The following IL1RAPL2 variants were observed in gnomAD, a reference collection of about 807,000 sequenced individuals.
IL1RAPL2 encodes the protein X-linked interleukin-1 receptor accessory protein-like 2.
IL1RAPL2 carries 3 observed loss-of-function variants against 44.1 expected under a neutral mutation model. That is an observed-to-expected ratio of 0.07 (90% CI 0.03 to 0.18). The LOEUF (loss-of-function observed/expected upper bound fraction) is 0.18. Ranked by LOEUF, IL1RAPL2 falls within the 10% of genes least tolerant of loss-of-function variation. The pLI is 1.00. For synonymous variants in IL1RAPL2, 181 were observed against 178.8 expected (o/e 1.01, Z -0.10); for missense variants, 391 against 496.4 (o/e 0.79, Z 2.02).
chrX:105,267,663 A>C, intron 5 of IL1RAPL2, 122 bp downstream of exon 5: 1 of 522,206 alleles, frequency 1.9e-6, no homozygotes, highest in Non-Finnish European at 3.1e-6. Flanking sequence ...CAAATCAAAT[A>C]GTTGAGAAAC....
intron 2 of IL1RAPL2, among the ~76,000 whole-genome samples, chrX:105,032,881 A>C (rs1465023663): frequency 2.7e-5 from 3 of 109,911 alleles, no homozygotes; most frequent in Admixed American, 1.9e-4. Flanking sequence ...GTAGGTCACT[A>C]AGGACTTGCT....
chrX:104,647,490 T>C, intron 1 of IL1RAPL2: 1 of 559,099 alleles, frequency 1.8e-6, no homozygotes, highest in South Asian at 2.3e-5. Context: ...GTGGGATGTG[T>C]CAAGGACACA....
At chrX:104,705,174 T>TA (rs1300075402) in intron 2 of IL1RAPL2, among the ~76,000 whole-genome samples, 28 of 111,729 alleles carry the variant, frequency 2.5e-4, no homozygotes, top group African/African-American at 7.5e-4. Context: ...CAACAACCAT[T>TA]TGATACAGGT....
intron 3 of IL1RAPL2, among the ~76,000 whole-genome samples, chrX:105,206,921 A>G (rs2033768955): frequency 9.0e-6 from 1 of 111,651 alleles, no homozygotes; most frequent in South Asian, 3.7e-4. Flanking sequence ...ACTCGTGATG[A>G]ATCAATTAGA....
At chrX:105,760,483 A>C (rs1371332954) in intron 10 of IL1RAPL2, among the ~76,000 whole-genome samples, 1 of 111,945 alleles carries the variant, frequency 8.9e-6, no homozygotes, top group Non-Finnish European at 1.9e-5. Flanking sequence ...AATCTTCTCT[A>C]AATGTGTCCC....
At chrX:105,270,648 G>T (rs950510953) in intron 5 of IL1RAPL2, among the ~76,000 whole-genome samples, 1 of 111,845 alleles carries the variant, frequency 8.9e-6, no homozygotes, top group Admixed American at 9.6e-5. Flanking sequence ...TGGCTACTTG[G>T]TATGGAAGTT....
At chrX:104,797,773 G>T (rs780517773) in intron 2 of IL1RAPL2, among the ~76,000 whole-genome samples, 1 of 112,077 alleles carries the variant, frequency 8.9e-6, no homozygotes, top group Non-Finnish European at 1.9e-5. Context: ...AAATTGCTGT[G>T]CTAAGACAAA....
intron 6 of IL1RAPL2, among the ~76,000 whole-genome samples, chrX:105,550,339 T>G (rs2036841361): frequency 8.9e-6 from 1 of 112,088 alleles, no homozygotes; most frequent in African/African-American, 3.2e-5. Context: ...AAATGCTGAC[T>G]TTCAAAGAGC....
chrX:105,529,545 G>A (rs1005234461), intron 6 of IL1RAPL2, among the ~76,000 whole-genome samples: 5 of 110,970 alleles, frequency 4.5e-5, no homozygotes, highest in Admixed American at 9.6e-5. Context: ...TTCATCAAAT[G>A]TGTCCATTTT....
chrX:105,067,420 C>T lies in IL1RAPL2; in HGVS notation c.83-128055C>T, dbSNP rs753222193. Among the ~76,000 whole-genome samples the T allele has an allele frequency of 4.5e-5, 5 of 111,530 alleles. No homozygotes were observed. The East Asian group carries it at 1.4e-3, about 32-fold the overall frequency. The stretch of plus-strand genomic sequence containing the variant: ...GACTGAAAAACCCCTGGCTCAGACA[C>T]TTCAATTTGGTCTGGAGTTTGATGT... On this transcript the variant is annotated intron_variant, in intron 2 of 10. Transcript: ENST00000372582.
intron 2 of IL1RAPL2, among the ~76,000 whole-genome samples, chrX:104,762,278 C>T (rs1932474293): frequency 9.0e-6 from 1 of 111,234 alleles, no homozygotes; most frequent in Admixed American, 9.6e-5. Context: ...GGATTACAGG[C>T]ATGAGCCATC....
intron 1 of IL1RAPL2, among the ~76,000 whole-genome samples, chrX:104,582,276 G>C (rs937572497): frequency 9.0e-6 from 1 of 111,534 alleles, no homozygotes. Flanking sequence ...TTTACATACT[G>C]TGAGTAAAAA....
intron 6 of IL1RAPL2, among the ~76,000 whole-genome samples, chrX:105,626,678 C>G (rs939611154): frequency 2.2e-4 from 25 of 111,287 alleles, no homozygotes; most frequent in African/African-American, 7.5e-4. Flanking sequence ...ATGGTGAAGT[C>G]TGGGATTTTA....
intron 5 of IL1RAPL2, among the ~76,000 whole-genome samples, chrX:105,327,682 T>C (rs982204624): frequency 1.8e-5 from 2 of 111,532 alleles, no homozygotes; most frequent in African/African-American, 3.3e-5. Flanking sequence ...CCATAGGGGC[T>C]GGTAGGAAGG....
At chrX:105,531,220 A>G (rs1450566515) in intron 6 of IL1RAPL2, among the ~76,000 whole-genome samples, 4 of 111,514 alleles carry the variant, frequency 3.6e-5, no homozygotes, top group African/African-American at 6.5e-5. Context: ...ATTTCCTATT[A>G]TCTGTATTTT....
At chrX:105,686,794 TTA>T (rs1428688016) in intron 6 of IL1RAPL2, among the ~76,000 whole-genome samples, 1 of 111,853 alleles carries the variant, frequency 8.9e-6, no homozygotes, top group African/African-American at 3.3e-5. Context: ...CTCATTGCAC[TTA>T]TTCTAAAATT....
intron 6 of IL1RAPL2, among the ~76,000 whole-genome samples, chrX:105,667,977 T>C (rs937828169): frequency 1.8e-5 from 2 of 108,664 alleles, no homozygotes; most frequent in African/African-American, 6.7e-5. Context: ...ACACAACTTT[T>C]AAGTGGTATA....
intron 6 of IL1RAPL2, among the ~76,000 whole-genome samples, chrX:105,692,218 A>G (rs2038041004): frequency 9.0e-6 from 1 of 111,622 alleles, no homozygotes; most frequent in Non-Finnish European, 1.9e-5. Context: ...CTTAGTCTGC[A>G]TAGCACTTTA....
intron 1 of IL1RAPL2, among the ~76,000 whole-genome samples, chrX:104,625,288 T>A (rs1325875797): frequency 6.3e-5 from 7 of 111,015 alleles, no homozygotes; most frequent in Non-Finnish European, 1.3e-4. Flanking sequence ...ATAGAAGCAA[T>A]GCTTACCCTT....
Sources: gnomAD v4.1 joint callset for allele counts (sites outside exome capture counted in the v4.1 genomes callset) on GRCh38, gnomAD v4.1.1 for gene constraint, MANE v1.5 for transcripts, NCBI Gene and HGNC (gene_info 2026-07-23, HGNC 2026-07-21) for gene names.